Variants in SLC12A3 observed in about 807,000 individuals in gnomAD.
SLC12A3 encodes the protein Na-Cl cotransporter.
Under a neutral mutation model 121.0 loss-of-function variants are expected in SLC12A3, and 104 were observed. The ratio of observed to expected loss-of-function variants is 0.86; its 90% CI spans 0.73 to 1.01. The LOEUF (loss-of-function observed/expected upper bound fraction) is 1.01. SLC12A3 is among the 50% of genes least tolerant of loss of function. The pLI, the probability that SLC12A3 is intolerant of heterozygous loss-of-function variation, is 0.00. For synonymous variants in SLC12A3, 536 were observed against 533.4 expected, an observed-to-expected ratio of 1.00 and a Z score of -0.07; for missense variants, 1,328 against 1,356.3, an observed-to-expected ratio of 0.98 and a Z score of 0.33.
intron 15 of SLC12A3, 29 bp from the exon 16 acceptor site, chr16:56,886,335 G>T (rs765619779): frequency 1.9e-6 from 3 of 1,558,070 alleles, no homozygotes; most frequent in Non-Finnish European, 1.8e-6. Flanking sequence ...TCTCCTGATG[G>T]CTCCTGCCCT....
intron 8 of SLC12A3, among the ~76,000 whole-genome samples, chr16:56,873,797 C>T (rs1415020016): frequency 2.6e-5 from 4 of 151,552 alleles, no homozygotes; most frequent in South Asian, 2.1e-4. Flanking sequence ...CTGCAACCTC[C>T]GCCTCCCGGG....
rs1185521840 is a variant in SLC12A3, at chr16:56,899,518, T to G, written c.2634-12T>G. 1 of 1,604,616 alleles carries G rather than the reference T, an allele frequency of 6.2e-7. No individual in the cohort carries two copies. The highest frequency in any genetic ancestry group is 8.5e-7 in the Non-Finnish European group (1 of 1,171,288). On this transcript the variant is annotated splice_polypyrimidine_tract_variant and intron_variant, in intron 22 of 25. Coordinates refer to ENST00000563236, the MANE Select transcript of SLC12A3 (RefSeq NM_001126108.2). Reference sequence around the variant, plus strand: ...AAAAGTAATAACAATAAACCCTCCATGTGTCCTCCAGGATCATTTCTCTGC... The same window carrying G: ...AAAAGTAATAACAATAAACCCTCCAGGTGTCCTCCAGGATCATTTCTCTGC...
rs1401113447 is a variant in SLC12A3 at position 56,870,738 on chromosome 16, T to G, written c.852+2T>G. 2 of 1,597,448 alleles carry G rather than the reference T, an allele frequency of 1.3e-6. No individual in the cohort carries two copies. The highest frequency in any genetic ancestry group is 1.7e-6 in the Non-Finnish European group (2 of 1,165,168). On this transcript the variant is annotated splice_donor_variant, in intron 6 of 25. Coordinates refer to ENST00000563236, the MANE Select transcript of SLC12A3 (RefSeq NM_001126108.2). LOFTEE classifies it high-confidence loss of function. The stretch of plus-strand genomic sequence containing the variant: ...GCTGGCATGGAGTGGGAGTCCAAGG[T>G]GAGGAGGCCATGGAGGAGGGGGACA...
chr16:56,907,657 T>G (rs1206651495), intron 25 of SLC12A3, among the ~76,000 whole-genome samples: 1 of 152,202 alleles, frequency 6.6e-6, no homozygotes, highest in African/African-American at 2.4e-5. Flanking sequence ...CTTTCCTGAC[T>G]CATGGATGGG....
rs559759619 is a variant in SLC12A3 at position 56,892,596 on chromosome 16, G to A, written c.2420-357G>A. ...GCAGGGTGGGGTGGGATTTTCCTTC[G>A]TCCTCTCCCACCATCACTCCGGGAG... On this transcript the variant is annotated intron_variant, in intron 20 of 25. Coordinates refer to ENST00000563236, the MANE Select transcript of SLC12A3 (RefSeq NM_001126108.2). 4.6e-5 allele frequency among the ~76,000 whole-genome samples: 7 copies of A among 152,184 alleles called. No individual in the cohort carries two copies. In the East Asian group the frequency reaches 1.2e-3, roughly 25 times the overall value.
At chr16:56,883,181 A>G (rs1220040059) in intron 13 of SLC12A3, among the ~76,000 whole-genome samples, 7 of 151,986 alleles carry the variant, frequency 4.6e-5, no homozygotes, top group Non-Finnish European at 2.9e-5. Context: ...TAACTCTAGG[A>G]GGCACCATTC....
At chr16:56,893,160 T>G (rs2055413871) in intron 21 of SLC12A3, 106 bp downstream of exon 21, 16 of 935,240 alleles carry the variant, frequency 1.7e-5, no homozygotes, top group Non-Finnish European at 3.4e-6. Flanking sequence ...CAGGGGCTCC[T>G]GGGCCCAGCA....
chr16:56,896,028 C>G (rs2055457321), intron 22 of SLC12A3, among the ~76,000 whole-genome samples: 1 of 152,190 alleles, frequency 6.6e-6, no homozygotes, highest in Non-Finnish European at 1.5e-5. Context: ...ACAGATAAAG[C>G]TGCATTCACT....
intron 21 of SLC12A3, among the ~76,000 whole-genome samples, chr16:56,893,597 A>T (rs1010504523): frequency 6.6e-6 from 1 of 152,150 alleles, no homozygotes; most frequent in African/African-American, 2.4e-5. Flanking sequence ...CCGCTTTATA[A>T]ATAAGGAAAA....
At chr16:56,893,129 C>A in intron 21 of SLC12A3, 75 bp downstream of exon 21, 1 of 1,232,100 alleles carries the variant, frequency 8.1e-7, no homozygotes, top group Non-Finnish European at 1.2e-6. Flanking sequence ...CTTCTCCTTC[C>A]TGGCCTGCTC....
At chr16:56,874,446 C>T (rs561342294) in intron 8 of SLC12A3, among the ~76,000 whole-genome samples, 2 of 152,260 alleles carry the variant, frequency 1.3e-5, no homozygotes, top group South Asian at 2.1e-4. Context: ...CTAACCCCTA[C>T]CCCAAACCTC....
At chr16:56,878,041 T>TCTCTCCCCCCCCCCCCCCCC in intron 8 of SLC12A3, 36 bp from the exon 9 acceptor site, 7 of 393,146 alleles carry the variant, frequency 1.8e-5, no homozygotes, top group South Asian at 4.2e-5. Flanking sequence ...CCTCTCTCCC[T>TCTCTCCCCCCCCCCCCCCCC]CCCTCCCTCC....
chr16:56,889,316 G>T (rs1452936437), intron 18 of SLC12A3, among the ~76,000 whole-genome samples: 2 of 152,214 alleles, frequency 1.3e-5, no homozygotes, highest in African/African-American at 4.8e-5. Flanking sequence ...AGCAGGGCCT[G>T]AAAGTTCCTT....
chr16:56,868,170 G>T, intron 2 of SLC12A3, 127 bp from the exon 3 acceptor site: 1 of 848,212 alleles, frequency 1.2e-6, no homozygotes. Context: ...ACTGAAGTGG[G>T]TGAAGAAGGG....
intron 25 of SLC12A3, chr16:56,904,709 C>G (rs1352201614): frequency 2.0e-6 from 1 of 490,980 alleles, no homozygotes; most frequent in African/African-American, 2.0e-5. Flanking sequence ...GTGACCTCCC[C>G]TTGCCATTGC....
intron 8 of SLC12A3, among the ~76,000 whole-genome samples, chr16:56,874,599 G>A (rs2055143204): frequency 6.6e-6 from 1 of 152,186 alleles, no homozygotes; most frequent in African/African-American, 2.4e-5. Flanking sequence ...TCGGGAGTTC[G>A]AGACCAGCCT....
rs13336667 is a variant in SLC12A3 at position 56,892,013 on chromosome 16, T to C, written c.2369-70T>C. On this transcript the variant is annotated intron_variant, in intron 19 of 25. Transcript: ENST00000563236. ...TTTCTTCCTAGCATTAAGGGAGCCC[T>C]GTCAAGGAGGAACCCACGGTGCCCT... 0.016 allele frequency: 18,275 copies of C among 1,164,876 alleles called. 1,968 individuals are homozygous for C. In the African/African-American group the frequency reaches 0.23, roughly 15 times the overall value. 72.2% of individuals were successfully genotyped at this position (1,164,876 alleles called of 1,614,324 possible).
intron 25 of SLC12A3, 72 bp downstream of exon 25, chr16:56,904,534 A>C (rs1262141318): frequency 1.4e-6 from 2 of 1,444,934 alleles, no homozygotes; most frequent in African/African-American, 2.8e-5. Flanking sequence ...GAAGGGGCTC[A>C]GCAGGGGCAC....
In SLC12A3 at chr16:56,886,480, G is replaced by A; in HGVS notation, c.2037+5G>A. On this transcript the variant is annotated splice_donor_5th_base_variant and intron_variant, in intron 16 of 25. Transcript: ENST00000563236. ...ATCTGTGGCCACGTGCTCATCGTGA[G>A]TGGCCCCTGGAGGGGCACAGGGGAC... 1 of 1,612,092 alleles carries A rather than the reference G, an allele frequency of 6.2e-7. No homozygotes were observed. Among genetic ancestry groups the A allele is most frequent in the Non-Finnish European group, 8.5e-7 (1 of 1,178,508 alleles).
Sources: allele counts gnomAD v4.1 joint callset (sites outside exome capture counted in the v4.1 genomes callset), GRCh38; gene constraint gnomAD v4.1.1; transcripts MANE v1.5; gene names NCBI Gene and HGNC (gene_info 2026-07-23, HGNC 2026-07-21).